The following KDM4B variants were observed in gnomAD, a reference collection of about 807,000 sequenced individuals.
The protein encoded by KDM4B is lysine-specific demethylase 4B.
In KDM4B, 32 loss-of-function variants were observed where a neutral mutation model predicts 125.2. The ratio of observed to expected loss-of-function variants is 0.26; its 90% CI spans 0.19 to 0.34. The LOEUF is 0.34. KDM4B is among the 10% of genes least tolerant of loss of function. KDM4B has a pLI of 1.00. For missense variants in KDM4B, 1,190 were observed against 1,577.7 expected, an observed-to-expected ratio of 0.75 and a Z score of 4.16; for synonymous variants, 721 against 677.9, an observed-to-expected ratio of 1.06 and a Z score of -0.99.
chr19:4,987,539 G>A (rs1314979659), intron 1 of KDM4B, among the ~76,000 whole-genome samples: 1 of 152,188 alleles, frequency 6.6e-6, no homozygotes, highest in Admixed American at 6.5e-5. Context: ...CGATGTTTCT[G>A]GCTGGAGATG....
At chr19:5,129,159 A>T (rs2039501324) in intron 11 of KDM4B, among the ~76,000 whole-genome samples, 1 of 151,536 alleles carries the variant, frequency 6.6e-6, no homozygotes, top group Admixed American at 6.6e-5. Context: ...CTGCAGATGG[A>T]GCTGGGTAGG....
At chr19:5,119,507 C>T in intron 10 of KDM4B, 146 bp from the exon 11 acceptor site, 6 of 826,364 alleles carry the variant, frequency 7.3e-6, no homozygotes, top group Non-Finnish European at 4.0e-6. Flanking sequence ...GTTCCCTTTA[C>T]CCCCGGCCTC....
intron 1 of KDM4B, among the ~76,000 whole-genome samples, chr19:4,987,610 C>T (rs534173006): frequency 3.9e-5 from 6 of 152,228 alleles, no homozygotes; most frequent in East Asian, 1.9e-4. Flanking sequence ...TTGGATTTAG[C>T]GGTCTTTTAT....
In KDM4B at chr19:5,078,418, TC is replaced by T. The variant is rs2145854206; in HGVS notation, c.780+950del. 1 of 152,272 alleles carries T rather than the reference TC, an allele frequency of 6.6e-6. No individual in the cohort carries two copies. Among genetic ancestry groups the T allele is most frequent in the South Asian group, 2.1e-4 (1 of 4,820 alleles). The allele number at this position is 152,272 out of a possible 1,614,324, so 9.4% of individuals were successfully genotyped here. A position where few individuals can be genotyped will look rare whatever the true frequency, so the allele number is the denominator to read the frequency against. On this transcript the variant is annotated intron_variant, in intron 8 of 22. Coordinates refer to ENST00000159111, the MANE Select transcript of KDM4B (RefSeq NM_015015.3). The surrounding 1 kb of genome is among the most constrained non-coding windows in gnomAD (Gnocchi z 4.5). The stretch of plus-strand genomic sequence containing the variant: ...AGCTCACACATCGGGGATCCGCTCT[TC>T]CTGGCGGGGCTGCAACCCAGAGGCC...
At chr19:5,017,979 T>TCC (rs2035945993) in intron 2 of KDM4B, among the ~76,000 whole-genome samples, 1 of 152,138 alleles carries the variant, frequency 6.6e-6, no homozygotes, top group Non-Finnish European at 1.5e-5. Context: ...TGACTCGTGA[T>TCC]CCGCCCACCT....
chr19:5,086,470 C>T (rs1171336850), intron 9 of KDM4B, among the ~76,000 whole-genome samples: 1 of 152,244 alleles, frequency 6.6e-6, no homozygotes, highest in East Asian at 1.9e-4. Context: ...AATGAGCAGC[C>T]TGTGCACAGA....
intron 6 of KDM4B, among the ~76,000 whole-genome samples, chr19:5,068,788 G>A (rs1224309129): frequency 6.6e-6 from 1 of 152,234 alleles, no homozygotes. Flanking sequence ...CTGGGCCTGC[G>A]TCCCGCAGTC....
At chr19:5,128,210 G>T (rs377562979) in intron 11 of KDM4B, among the ~76,000 whole-genome samples, 2 of 152,136 alleles carry the variant, frequency 1.3e-5, no homozygotes, top group East Asian at 1.9e-4. Flanking sequence ...GTGGGTGGGG[G>T]TGCCGGCTGG....
In KDM4B at chr19:4,997,078, C is replaced by T. The variant is rs1318677088; in HGVS notation, c.-108-19179C>T. Among the ~76,000 whole-genome samples, 5 of 152,160 alleles carry T rather than the reference C, an allele frequency of 3.3e-5. No individual in the cohort carries two copies. The highest frequency in any genetic ancestry group is 1.2e-4 in the African/African-American group (5 of 41,428). ...CTGGCCTCCACCCCCTCCACGCCAGCACCACCCTCAGTCGTGACAGCCATA... is the reference window on the plus strand; with the variant it reads ...CTGGCCTCCACCCCCTCCACGCCAGTACCACCCTCAGTCGTGACAGCCATA... On this transcript the variant is annotated intron_variant, in intron 1 of 22. Transcript: ENST00000159111. The surrounding 1 kb of genome is among the most constrained non-coding windows in gnomAD (Gnocchi z 4.2).
intron 2 of KDM4B, among the ~76,000 whole-genome samples, chr19:5,020,077 T>C (rs1417055494): frequency 2.8e-5 from 4 of 140,368 alleles, no homozygotes; most frequent in African/African-American, 1.1e-4. Flanking sequence ...GTGCAGGTGT[T>C]GGTGTGGATG....
chr19:4,979,527 C>T (rs1035141298), intron 1 of KDM4B, among the ~76,000 whole-genome samples: 1 of 152,178 alleles, frequency 6.6e-6, no homozygotes, highest in Non-Finnish European at 1.5e-5. Flanking sequence ...CACCCAGGCT[C>T]TGGGGTGTCT....
chr19:4,976,769 G>C (rs1056035049), intron 1 of KDM4B, among the ~76,000 whole-genome samples: 1 of 152,174 alleles, frequency 6.6e-6, no homozygotes, highest in Admixed American at 6.5e-5. Context: ...GCCATCGTGC[G>C]GTCAGTAGCC....
intron 11 of KDM4B, among the ~76,000 whole-genome samples, chr19:5,128,200 G>T: frequency 6.6e-6 from 1 of 151,990 alleles, no homozygotes; most frequent in East Asian, 1.9e-4. Context: ...TGTGTGAGGG[G>T]TGGGTGGGGG....
intron 1 of KDM4B, among the ~76,000 whole-genome samples, chr19:4,975,053 A>G (rs1392296046): frequency 6.6e-6 from 1 of 151,874 alleles, no homozygotes; most frequent in East Asian, 1.9e-4. Context: ...TTATCACTCT[A>G]GTCACTTCCC....
intron 7 of KDM4B, among the ~76,000 whole-genome samples, chr19:5,073,922 G>T (rs1022661985): frequency 6.6e-6 from 1 of 152,194 alleles, no homozygotes; most frequent in Non-Finnish European, 1.5e-5. Context: ...TTCAAGACCA[G>T]CCTCAGGAAC....
At chr19:5,055,781 C>T (rs1181282755) in intron 6 of KDM4B, among the ~76,000 whole-genome samples, 3 of 152,200 alleles carry the variant, frequency 2.0e-5, no homozygotes, top group African/African-American at 7.2e-5. Context: ...TCTTCTCCCC[C>T]TTTCTCTCTC....
At chr19:5,137,043 C>T (rs1423524346) in intron 15 of KDM4B, among the ~76,000 whole-genome samples, 1 of 152,238 alleles carries the variant, frequency 6.6e-6, no homozygotes, top group East Asian at 1.9e-4. Context: ...ACACAAGTAG[C>T]TTCCAGACCT....
Position 5,039,796 on chromosome 19 carries a change from G to A in KDM4B, c.142-40G>A, listed in dbSNP as rs1297808257. The A allele has an allele frequency of 2.5e-6, 4 of 1,598,166 alleles. No individual in the cohort carries two copies. The Admixed American group carries it at 5.1e-5, about 20-fold the overall frequency. ...AGTCTGCTCTCTGGCCCTGCCCTGA[G>A]GGTCTGAGGGTGCCACTGACTCCCA... On this transcript the variant is annotated intron_variant, in intron 3 of 22. Transcript: ENST00000159111.
intron 15 of KDM4B, among the ~76,000 whole-genome samples, chr19:5,136,474 G>T (rs1211162161): frequency 6.6e-6 from 1 of 152,162 alleles, no homozygotes; most frequent in Admixed American, 6.5e-5. Context: ...CCTGCCTGGG[G>T]GCTCGCGTTG....
Sources: gnomAD v4.1 joint callset for allele counts (sites outside exome capture counted in the v4.1 genomes callset) on GRCh38, gnomAD v4.1.1 for gene constraint, Gnocchi (gnomAD v3.1) non-coding constraint, MANE v1.5 for transcripts, NCBI Gene and HGNC (gene_info 2026-07-23, HGNC 2026-07-21) for gene names.